Variants in LUZP1 observed in about 807,000 individuals in gnomAD.
LUZP1 encodes leucine zipper protein 1.
LUZP1 carries 25 observed loss-of-function variants against 71.3 expected under a neutral mutation model. That is an observed-to-expected ratio of 0.35 (90% CI 0.26 to 0.49). The LOEUF is 0.49. Among genes scored for constraint, LUZP1 ranks in the 20% least tolerant of loss-of-function variants. The pLI is 0.99. For missense variants in LUZP1, 1,142 were observed against 1,300.8 expected (o/e 0.88, Z 1.88); for synonymous variants, 481 against 506.4 (o/e 0.95, Z 0.67).
intron 1 of LUZP1, among the ~76,000 whole-genome samples, chr1:23,169,971 TACACACAC>T (rs35087847): frequency 1.6e-4 from 24 of 149,212 alleles, no homozygotes; most frequent in Non-Finnish European, 2.8e-4. Context: ...TTCCTACCTT[TACACACAC>T]ACACACACAC....
chr1:23,138,040 A>G (rs1442345169), intron 2 of LUZP1, among the ~76,000 whole-genome samples: 1 of 152,192 alleles, frequency 6.6e-6, no homozygotes, highest in Admixed American at 6.5e-5. Flanking sequence ...GCACGATCTC[A>G]GCTCACTGCA....
chr1:23,091,157 GAA>G (rs752616280), intron 4 of LUZP1, 31 bp downstream of exon 3: 94 of 1,557,516 alleles, frequency 6.0e-5, no homozygotes, highest in Non-Finnish European at 7.7e-5. Context: ...AAGGGAGGGA[GAA>G]AAGAGAGAGG....
At chr1:23,177,849 G>C (rs1644592506), upstream of LUZP1, 1 of 152,306 alleles carries the variant, frequency 6.6e-6, no homozygotes, top group Non-Finnish European at 1.5e-5. Flanking sequence ...CCGCCAGCCG[G>C]CTTCCTGCAG....
intron 2 of LUZP1, among the ~76,000 whole-genome samples, chr1:23,151,761 TG>T (rs1451844948): frequency 6.6e-6 from 1 of 152,112 alleles, no homozygotes. Flanking sequence ...TCCCTGCACT[TG>T]GGAGGCCAGG....
exon 5 of LUZP1, chr1:23,085,083 C>T (rs561670418): frequency 6.5e-6 from 1 of 152,720 alleles, no homozygotes; most frequent in East Asian, 1.9e-4. Flanking sequence ...CCCAAGGAGC[C>T]CTGAGCCACT....
At chr1:23,142,696 T>C (rs201872114) in intron 2 of LUZP1, among the ~76,000 whole-genome samples, 13 of 90,862 alleles carry the variant, frequency 1.4e-4, no homozygotes, top group African/African-American at 6.4e-4. Flanking sequence ...AATATATATA[T>C]ATATACACAC....
At chr1:23,095,674 G>A (rs1438161172) in intron 3 of LUZP1, among the ~76,000 whole-genome samples, 1 of 152,138 alleles carries the variant, frequency 6.6e-6, no homozygotes. Context: ...AGGATAACTA[G>A]TGAAAAAAGT....
chr1:23,084,968 G>A lies in LUZP1; in HGVS notation c.*3927C>T, dbSNP rs910784222. Reference sequence around the variant, plus strand: ...CATCACAGACTCGCACAGAGTATACGGAAACGAGGGAGCTTTATTGGTTAC... The same window carrying A: ...CATCACAGACTCGCACAGAGTATACAGAAACGAGGGAGCTTTATTGGTTAC... On this transcript the variant is annotated 3_prime_UTR_variant, in exon 5 of 5. Transcript: ENST00000302291. 7.2e-5 allele frequency: 11 copies of A among 152,676 alleles called. 1 individual carries two copies. The highest frequency in any genetic ancestry group is 1.9e-4 in the African/African-American group (8 of 41,444). 9.5% of individuals were successfully genotyped at this position (152,676 alleles called of 1,614,324 possible).
intron 3 of LUZP1, among the ~76,000 whole-genome samples, chr1:23,103,639 C>CTTGTAA (rs1400675773): frequency 6.6e-6 from 1 of 151,830 alleles, no homozygotes; most frequent in African/African-American, 2.4e-5. Flanking sequence ...CTTCTTGGCA[C>CTTGTAA]ATTTAACCAC....
chr1:23,099,926 T>A (rs1643918146), intron 3 of LUZP1, among the ~76,000 whole-genome samples: 2 of 152,134 alleles, frequency 1.3e-5, no homozygotes, highest in African/African-American at 4.8e-5. Context: ...ATCCTCGCCC[T>A]CCCTCTTCCC....
intron 2 of LUZP1, among the ~76,000 whole-genome samples, chr1:23,157,776 G>C (rs1644431547): frequency 6.6e-6 from 1 of 151,602 alleles, no homozygotes; most frequent in Non-Finnish European, 1.5e-5. Flanking sequence ...GAGCCATAGA[G>C]GGAGACTCCA....
intron 3 of LUZP1, among the ~76,000 whole-genome samples, chr1:23,099,178 TA>T (rs1391845706): frequency 6.6e-6 from 1 of 152,222 alleles, no homozygotes; most frequent in Non-Finnish European, 1.5e-5. Flanking sequence ...TTTTCCCTTT[TA>T]AAAACTCTTG....
At chr1:23,092,948 C>A (rs1280547384) in exon 4 of LUZP1, 1 of 1,614,126 alleles carries the variant, frequency 6.2e-7, no homozygotes, top group East Asian at 2.2e-5. Flanking sequence ...CTGTACTCAC[C>A]CCCATGTGAG....
chr1:23,108,012 T>G (rs1313579456), intron 3 of LUZP1, among the ~76,000 whole-genome samples: 1 of 152,164 alleles, frequency 6.6e-6, no homozygotes, highest in Non-Finnish European at 1.5e-5. Flanking sequence ...ACCCTATTGC[T>G]CTACTTTCCT....
chr1:23,099,507 T>C (rs1643915378), intron 3 of LUZP1, among the ~76,000 whole-genome samples: 1 of 152,200 alleles, frequency 6.6e-6, no homozygotes, highest in African/African-American at 2.4e-5. Context: ...ACTGTAGCAT[T>C]CTCTCAGCAC....
intron 2 of LUZP1, among the ~76,000 whole-genome samples, chr1:23,138,312 T>C (rs892951087): frequency 1.3e-5 from 2 of 152,080 alleles, no homozygotes; most frequent in African/African-American, 4.8e-5. Context: ...TTATTAGCCT[T>C]AAAAAAATAA....
chr1:23,147,653 A>G (rs1431425818), intron 2 of LUZP1, among the ~76,000 whole-genome samples: 2 of 150,918 alleles, frequency 1.3e-5, no homozygotes, highest in African/African-American at 4.9e-5. Flanking sequence ...TGGATTATAT[A>G]CTCATCCCAG....
exon 5 of LUZP1, chr1:23,088,877 A>T: frequency 1.2e-6 from 2 of 1,612,246 alleles, no homozygotes; most frequent in Non-Finnish European, 1.7e-6. Flanking sequence ...GAGGGCAGAC[A>T]ACAGACACCC....
chr1:23,099,229 CA>C (rs1300516736), intron 3 of LUZP1, among the ~76,000 whole-genome samples: 1 of 152,222 alleles, frequency 6.6e-6, no homozygotes, highest in Non-Finnish European at 1.5e-5. Flanking sequence ...AAAATCTTGT[CA>C]ATGTATACAC....
Sources: gnomAD v4.1 joint callset for allele counts (sites outside exome capture counted in the v4.1 genomes callset) on GRCh38, gnomAD v4.1.1 for gene constraint, MANE v1.5 for transcripts, NCBI Gene and HGNC (gene_info 2026-07-23, HGNC 2026-07-21) for gene names.